Variants in EP300 observed in about 807,000 individuals in gnomAD.
EP300 encodes EP300 lysine acetyltransferase.
In EP300, 31 loss-of-function variants were observed where a neutral mutation model predicts 264.0. That is an observed-to-expected ratio of 0.12 (90% CI 0.09 to 0.16). The LOEUF is 0.16. EP300 is among the 10% of genes least tolerant of loss of function. The pLI is 1.00. For missense variants in EP300, 2,766 were observed against 3,052.9 expected (o/e 0.91, Z 2.21); for synonymous variants, 1,340 against 1,045.4 (o/e 1.28, Z -5.44).
chr22:41,175,461 G>A (rs1247731540), intron 29 of EP300, among the ~76,000 whole-genome samples: 1 of 152,128 alleles, frequency 6.6e-6, no homozygotes, highest in Non-Finnish European at 1.5e-5. Context: ...TTACACTAAT[G>A]GTTATGAGAA....
intron 2 of EP300, among the ~76,000 whole-genome samples, chr22:41,123,424 T>G (rs896308577): frequency 6.6e-6 from 1 of 152,162 alleles, no homozygotes; most frequent in African/African-American, 2.4e-5. Flanking sequence ...TGGGGTTGAT[T>G]TTTTTCTTTT....
chr22:41,169,308 G>A (rs1055998644), intron 25 of EP300, 195 bp from the exon 26 acceptor site: 8 of 604,562 alleles, frequency 1.3e-5, no homozygotes, highest in Non-Finnish European at 2.3e-5. Context: ...ACAAATAGAA[G>A]GAAACCACAG....
chr22:41,099,047 T>C (rs1200302864), intron 1 of EP300, among the ~76,000 whole-genome samples: 2 of 152,096 alleles, frequency 1.3e-5, no homozygotes, highest in Non-Finnish European at 2.9e-5. Context: ...AAAGCAGTGG[T>C]AGATGGTTTG....
At chr22:41,110,696 T>G (rs2058785091) in intron 1 of EP300, among the ~76,000 whole-genome samples, 1 of 150,946 alleles carries the variant, frequency 6.6e-6, no homozygotes, top group Non-Finnish European at 1.5e-5. Flanking sequence ...GAGCCACCCT[T>G]CTGGCTGTCT....
intron 27 of EP300, among the ~76,000 whole-genome samples, chr22:41,171,904 CACCTGGCCA>C (rs1412608108): frequency 6.6e-6 from 1 of 152,096 alleles, no homozygotes; most frequent in Non-Finnish European, 1.5e-5. Context: ...TGAGTCACTG[CACCTGGCCA>C]AAAATATATT....
At chr22:41,151,723 C>T (rs1247627510) in intron 14 of EP300, 110 bp from the exon 15 acceptor site, 2 of 1,110,232 alleles carry the variant, frequency 1.8e-6, no homozygotes, top group Non-Finnish European at 2.7e-6. Context: ...TAAATATAAG[C>T]CAAGAAATAG....
At chr22:41,093,475 C>T (rs909645295) in intron 1 of EP300, among the ~76,000 whole-genome samples, 1 of 152,150 alleles carries the variant, frequency 6.6e-6, no homozygotes, top group South Asian at 2.1e-4. Flanking sequence ...AATTTCGAAT[C>T]CTTTCTCTTT....
At chr22:41,121,269 G>T (rs2058850757) in intron 2 of EP300, among the ~76,000 whole-genome samples, 1 of 152,116 alleles carries the variant, frequency 6.6e-6, no homozygotes, top group Non-Finnish European at 1.5e-5. Context: ...GTAGCTATTT[G>T]TATGGTGGTG....
intron 4 of EP300, among the ~76,000 whole-genome samples, chr22:41,129,103 T>A (rs906599801): frequency 2.6e-5 from 4 of 151,900 alleles, no homozygotes; most frequent in African/African-American, 7.3e-5. Flanking sequence ...CTCCGCCTCC[T>A]GGGTTCATGC....
chr22:41,156,248 G>C (rs2059076242), intron 17 of EP300, among the ~76,000 whole-genome samples: 1 of 152,030 alleles, frequency 6.6e-6, no homozygotes, highest in Non-Finnish European at 1.5e-5. Context: ...CCCAACCTCA[G>C]ATGATCCACC....
At chr22:41,095,270 C>G (rs1252004904) in intron 1 of EP300, among the ~76,000 whole-genome samples, 4 of 113,342 alleles carry the variant, frequency 3.5e-5, no homozygotes, top group Non-Finnish European at 5.0e-5. Flanking sequence ...GATGGAGTCT[C>G]ATTCTGTCAC....
intron 1 of EP300, among the ~76,000 whole-genome samples, chr22:41,098,484 G>A (rs2058714054): frequency 6.6e-6 from 1 of 152,082 alleles, no homozygotes. Flanking sequence ...CCATTCTCCT[G>A]CCTCAGCCTC....
intron 20 of EP300, 144 bp from the exon 21 acceptor site, chr22:41,162,579 G>A (rs1304020847): frequency 4.6e-6 from 3 of 655,158 alleles, no homozygotes; most frequent in African/African-American, 3.7e-5. Flanking sequence ...CATTTTGTGT[G>A]AGCCAAGAAT....
chr22:41,120,782 A>G (rs984071679), intron 2 of EP300, among the ~76,000 whole-genome samples: 2 of 152,220 alleles, frequency 1.3e-5, no homozygotes, highest in Admixed American at 6.5e-5. Flanking sequence ...CAGTGGCACC[A>G]TCACAGCTCA....
In EP300 at chr22:41,169,630, G is replaced by C. The variant is rs1008624042; in HGVS notation, c.4286+14G>C. The C allele has an allele frequency of 6.8e-7, 1 of 1,465,666 alleles. No homozygotes were observed. The highest frequency in any genetic ancestry group is 9.5e-7 in the Non-Finnish European group (1 of 1,048,456). The allele number at this position is 1,465,666 out of a possible 1,614,324, so 90.8% of individuals were successfully genotyped here. A position where few individuals can be genotyped will look rare whatever the true frequency, so the allele number is the denominator to read the frequency against. On this transcript the variant is annotated intron_variant, in intron 26 of 30. Transcript: ENST00000263253. The stretch of plus-strand genomic sequence containing the variant: ...CAAGAAATTAGGGTAAGCATATTTT[G>C]ATAATGGCTTTTTTTCTTTAACTAG...
Position 41,177,684 on chromosome 22 carries a change from A to C in EP300, c.5973A>C (p.Gln1991His). 1 of 1,613,886 alleles carries C rather than the reference A, an allele frequency of 6.2e-7. No homozygotes were observed. The change falls in exon 31 of 31, where the codon CAA becomes CAC. Residue 1991 changes from glutamine (Q) to histidine (H), a missense_variant. By Grantham distance (24) the Gln-to-His change is conservative. Coordinates refer to ENST00000263253, the MANE Select transcript of EP300 (RefSeq NM_001429.4). ...EPGMGPTGMQQQPPWSQGGLP... is the reference protein window; with the variant it reads ...EPGMGPTGMQHQPPWSQGGLP... ...GGATGGGACCGACAGGGATGCAGCAACAGCCACCCTGGAGCCAAGGAGGAT... is the reference window on the plus strand; with the variant it reads ...GGATGGGACCGACAGGGATGCAGCACCAGCCACCCTGGAGCCAAGGAGGAT...
intron 8 of EP300, among the ~76,000 whole-genome samples, chr22:41,138,086 A>G (rs1203307057): frequency 2.6e-5 from 4 of 152,312 alleles, no homozygotes; most frequent in East Asian, 3.9e-4. Flanking sequence ...CAAAACTTAT[A>G]TATCTAAGAA....
chr22:41,106,602 G>A (rs991377605), intron 1 of EP300, among the ~76,000 whole-genome samples: 8 of 152,096 alleles, frequency 5.3e-5, no homozygotes, highest in Non-Finnish European at 7.4e-5. Context: ...AAAGTTTGAC[G>A]TGTCCACTCT....
chr22:41,122,794 G>T (rs183336506), intron 2 of EP300, among the ~76,000 whole-genome samples: 2 of 152,044 alleles, frequency 1.3e-5, no homozygotes, highest in African/African-American at 2.4e-5. Flanking sequence ...GGTGGGAGAT[G>T]CCTGTAATCC....
Sources: gnomAD v4.1 joint callset for allele counts (sites outside exome capture counted in the v4.1 genomes callset) on GRCh38, gnomAD v4.1.1 for gene constraint, MANE v1.5 for transcripts, NCBI Gene and HGNC (gene_info 2026-07-23, HGNC 2026-07-21) for gene names.